The following DSTN variants were observed in gnomAD, a reference collection of about 807,000 sequenced individuals.
DSTN encodes the protein destrin, actin depolymerizing factor.
DSTN carries 10 observed loss-of-function variants against 16.8 expected under a neutral mutation model. The ratio of observed to expected loss-of-function variants is 0.60; its 90% CI spans 0.37 to 1.01. The LOEUF is 1.01. Ranked by LOEUF, DSTN falls within the 50% of genes least tolerant of loss-of-function variation. The pLI is 0.01. For missense variants in DSTN, 141 were observed against 196.7 expected (o/e 0.72, Z 1.69); for synonymous variants, 57 against 58.9 (o/e 0.97, Z 0.14).
intron 1 of DSTN, chr20:17,596,745 A>G: frequency 1.0e-6 from 1 of 985,322 alleles, no homozygotes; most frequent in Non-Finnish European, 1.2e-6. Context: ...CACTTCTGAT[A>G]GAAAAAAAGA....
At chr20:17,574,938 C>G (rs2035261451) in intron 1 of DSTN, among the ~76,000 whole-genome samples, 1 of 133,244 alleles carries the variant, frequency 7.5e-6, no homozygotes, top group African/African-American at 3.0e-5. Context: ...TCAACTGCAG[C>G]CTTGATCTCC....
intron 2 of DSTN, among the ~76,000 whole-genome samples, chr20:17,603,762 CAT>C (rs550719436): frequency 7.0e-4 from 107 of 152,184 alleles, no homozygotes; most frequent in Non-Finnish European, 1.3e-3. Flanking sequence ...ACAGTTAAGA[CAT>C]AATTATTGGT....
At chr20:17,606,133 A>G (rs1460438000) in intron 3 of DSTN, among the ~76,000 whole-genome samples, 2 of 152,052 alleles carry the variant, frequency 1.3e-5, no homozygotes, top group African/African-American at 4.8e-5. Flanking sequence ...GATAGTGACC[A>G]TGCTGCCTTT....
intron 1 of DSTN, among the ~76,000 whole-genome samples, chr20:17,573,777 T>C (rs34857854): frequency 0.099 from 15,134 of 152,156 alleles, 875 homozygotes; most frequent in African/African-American, 0.14. Context: ...ACTCTTTTCA[T>C]ATGTTTATTG....
At chr20:17,583,955 TCTTGAACTC>T (rs1434938096) in intron 1 of DSTN, among the ~76,000 whole-genome samples, 2 of 152,002 alleles carry the variant, frequency 1.3e-5, no homozygotes, top group Non-Finnish European at 2.9e-5. Context: ...CCGAGGTTGG[TCTTGAACTC>T]CTGGACTCAA....
At chr20:17,576,209 C>T (rs2035276743) in intron 1 of DSTN, 1 of 152,182 alleles carries the variant, frequency 6.6e-6, no homozygotes, top group Non-Finnish European at 1.5e-5. Context: ...CTTCTAGAAG[C>T]TGATACTGTA....
chr20:17,570,274 C>T (rs1198760479), intron 1 of DSTN, 63 bp downstream of exon 1: 142 of 1,438,364 alleles, frequency 9.9e-5, no homozygotes, highest in Non-Finnish European at 1.3e-4. Flanking sequence ...CTCTGGGGCG[C>T]CGCGGAGTCG....
At chr20:17,587,454 T>A (rs2035423405) in intron 1 of DSTN, among the ~76,000 whole-genome samples, 1 of 152,168 alleles carries the variant, frequency 6.6e-6, no homozygotes. Context: ...TATGAAACTT[T>A]ATGATGATCC....
chr20:17,579,025 T>G (rs896152778), intron 1 of DSTN, among the ~76,000 whole-genome samples: 2 of 151,932 alleles, frequency 1.3e-5, no homozygotes, highest in Non-Finnish European at 2.9e-5. Context: ...AGTATTTACC[T>G]TATCTCATTC....
chr20:17,581,815 A>G (rs1174424793), intron 1 of DSTN, among the ~76,000 whole-genome samples: 1 of 152,240 alleles, frequency 6.6e-6, no homozygotes, highest in African/African-American at 2.4e-5. Flanking sequence ...AGTTTTATAA[A>G]TCTTTAAAAT....
chr20:17,580,814 C>G (rs1276718550), intron 1 of DSTN, among the ~76,000 whole-genome samples: 1 of 151,808 alleles, frequency 6.6e-6, no homozygotes, highest in Non-Finnish European at 1.5e-5. Flanking sequence ...TAGAGAAGGC[C>G]TCTTTTGAGG....
rs187527187 is a variant in DSTN, at chr20:17,604,486, A to G, written c.312-69A>G. The G allele has an allele frequency of 1.6e-5, 23 of 1,465,182 alleles. No homozygotes were observed. In the South Asian group the frequency reaches 1.6e-4, roughly 10 times the overall value. The allele number at this position is 1,465,182 out of a possible 1,614,324, so 90.8% of individuals were successfully genotyped here. A position where few individuals can be genotyped will look rare whatever the true frequency, so the allele number is the denominator to read the frequency against. ...TCTCAGCAAATGTTTACACAAGCAA[A>G]TGTTTAACAAGTTGCAAGTTATACT... On this transcript the variant is annotated intron_variant, in intron 2 of 3. Transcript: ENST00000246069.
chr20:17,570,249 C>A (rs957408827), intron 1 of DSTN, 38 bp downstream of exon 1: 1 of 1,482,230 alleles, frequency 6.7e-7, no homozygotes, highest in Non-Finnish European at 8.9e-7. Flanking sequence ...GCCGAGGCGG[C>A]CGGGAGCAGT....
At chr20:17,578,961 CAAAAA>C (rs59600009) in intron 1 of DSTN, among the ~76,000 whole-genome samples, 2 of 81,412 alleles carry the variant, frequency 2.5e-5, no homozygotes, top group African/African-American at 9.3e-5. Flanking sequence ...AATTCCATCT[CAAAAA>C]AAAAAAAAAA....
intron 1 of DSTN, among the ~76,000 whole-genome samples, chr20:17,596,971 A>G (rs2035532950): frequency 1.3e-5 from 2 of 152,226 alleles, no homozygotes; most frequent in Non-Finnish European, 2.9e-5. Context: ...ATAAGGCTTT[A>G]GATGTTGCCT....
At chr20:17,605,519 G>T (rs576872890) in intron 3 of DSTN, among the ~76,000 whole-genome samples, 3 of 152,288 alleles carry the variant, frequency 2.0e-5, no homozygotes, top group South Asian at 4.1e-4. Flanking sequence ...TGGTAGAACA[G>T]GTTTGCCCTA....
At position 17,606,042 on chromosome 20, in the gene DSTN, A is replaced by G. The variant is rs898263915; in HGVS notation, c.389-995A>G. 8.6e-5 allele frequency among the ~76,000 whole-genome samples: 13 copies of G among 152,004 alleles called. No individual in the cohort carries two copies. In the East Asian group the frequency reaches 2.5e-3, roughly 29 times the overall value. ...AAGAATGCTTGAACCCAAGAGGCAG[A>G]GGTTGCAGTGAGCTGAGATCGCACC... On this transcript the variant is annotated intron_variant, in intron 3 of 3. Transcript: ENST00000246069.
intron 1 of DSTN, among the ~76,000 whole-genome samples, chr20:17,593,536 T>C (rs1046067632): frequency 6.6e-6 from 1 of 152,216 alleles, no homozygotes. Flanking sequence ...TACATGATCT[T>C]ATGGGAGCAT....
At position 17,602,351 on chromosome 20, in the gene DSTN, T is replaced by G. The variant is rs563654048; in HGVS notation, c.311+1306T>G. 3.3e-5 allele frequency among the ~76,000 whole-genome samples: 5 copies of G among 152,366 alleles called. No homozygotes were observed. In the South Asian group the frequency reaches 1.0e-3, roughly 32 times the overall value. ...GAAAACAGCTGTGAATAAAACAGGT[T>G]AAGTCCTTCCTCTTCTGGCATTCAC... On this transcript the variant is annotated intron_variant, in intron 2 of 3. Coordinates refer to ENST00000246069, the MANE Select transcript of DSTN (RefSeq NM_006870.4).
Sources: allele counts gnomAD v4.1 joint callset (sites outside exome capture counted in the v4.1 genomes callset), GRCh38; gene constraint gnomAD v4.1.1; transcripts MANE v1.5; gene names NCBI Gene and HGNC (gene_info 2026-07-23, HGNC 2026-07-21).